HEATR6: variants seen among roughly 807,000 people sequenced by gnomAD.
HEATR6 encodes the protein HEAT repeat containing 6.
HEATR6 carries 106 observed loss-of-function variants against 132.8 expected under a neutral mutation model. The ratio of observed to expected loss-of-function variants is 0.80; its 90% CI spans 0.68 to 0.94. HEATR6 has a LOEUF of 0.94. HEATR6 is among the 40% of genes least tolerant of loss of function. HEATR6 has a pLI of 0.00. For missense variants in HEATR6, 1,339 were observed against 1,425.1 expected (o/e 0.94, Z 0.97); for synonymous variants, 529 against 537.8 (o/e 0.98, Z 0.23).
At chr17:60,064,438 TG>T (rs2083228949) in intron 9 of HEATR6, 1 of 152,296 alleles carries the variant, frequency 6.6e-6, no homozygotes, top group Non-Finnish European at 1.5e-5. Flanking sequence ...CTCCAAGCTC[TG>T]TTGTAAACAA....
chr17:60,043,158 A>G lies in HEATR6; in HGVS notation c.*405T>C. 4.1e-6 allele frequency: 1 copy of G among 245,250 alleles called. No individual in the cohort carries two copies. The highest frequency in any genetic ancestry group is 4.8e-5 in the South Asian group (1 of 20,660). The allele number at this position is 245,250 out of a possible 1,614,324, so 15.2% of individuals were successfully genotyped here. A position where few individuals can be genotyped will look rare whatever the true frequency, so the allele number is the denominator to read the frequency against. Reference sequence around the variant, plus strand: ...CAGCTCTGCTTGCAGCTTGCTAGAAATACAACTTGGTAACAACAGGAGATT... The same window carrying G: ...CAGCTCTGCTTGCAGCTTGCTAGAAGTACAACTTGGTAACAACAGGAGATT... On this transcript the variant is annotated 3_prime_UTR_variant, in exon 20 of 20. Coordinates refer to ENST00000184956, the MANE Select transcript of HEATR6 (RefSeq NM_022070.5).
intron 18 of HEATR6, among the ~76,000 whole-genome samples, chr17:60,047,081 T>G (rs1906391088): frequency 6.6e-6 from 1 of 152,144 alleles, no homozygotes; most frequent in Non-Finnish European, 1.5e-5. Context: ...ATATGTCATG[T>G]AGTATTACAA....
chr17:60,048,518 CTCAA>C, intron 16 of HEATR6, 130 bp from the exon 17 acceptor site: 1 of 884,672 alleles, frequency 1.1e-6, no homozygotes, highest in African/African-American at 1.7e-5. Context: ...AATTCATCTA[CTCAA>C]TCAATTTACT....
At chr17:60,071,784 G>A (rs2083270813) in intron 5 of HEATR6, among the ~76,000 whole-genome samples, 1 of 152,198 alleles carries the variant, frequency 6.6e-6, no homozygotes. Flanking sequence ...CCGAGCAGGA[G>A]ACTAGAAGGA....
rs1421525375 is a variant in HEATR6 at position 60,067,656 on chromosome 17, T to C, written c.1016A>G (p.Glu339Gly). 2 of 1,613,250 alleles carry C rather than the reference T, an allele frequency of 1.2e-6. No individual in the cohort carries two copies. The highest frequency in any genetic ancestry group is 1.7e-4 in the Middle Eastern group (1 of 6,050). Residue 339 changes from glutamate (E) to glycine (G), a missense_variant, in exon 8 of 20, where the codon GAA becomes GGA. Transcript: ENST00000184956. ...GEEEEKESSG[E>G]IEAAPVTGTG... ...GCCAGTGACTGGGGCTGCCTCTATTTCACCACTGGATTCCTTTTCCTCCTC... is the reference window on the plus strand; with the variant it reads ...GCCAGTGACTGGGGCTGCCTCTATTCCACCACTGGATTCCTTTTCCTCCTC...
Position 60,057,404 on chromosome 17 carries a change from C to A in HEATR6, c.1724-1G>T. The A allele has an allele frequency of 6.4e-7, 1 of 1,572,890 alleles. No individual in the cohort carries two copies. Among genetic ancestry groups the A allele is most frequent in the Admixed American group, 1.7e-5 (1 of 57,184 alleles). ...AGACTTGACACACGAACATTAACAT[C>A]TGTCAAAGGAAGCAGTAAGAACTTA... On this transcript the variant is annotated splice_acceptor_variant, in intron 11 of 19. Coordinates refer to ENST00000184956, the MANE Select transcript of HEATR6 (RefSeq NM_022070.5). LOFTEE classifies it high-confidence loss of function.
chr17:60,054,641 T>C (rs999565705), intron 14 of HEATR6, among the ~76,000 whole-genome samples: 10 of 152,242 alleles, frequency 6.6e-5, no homozygotes, highest in Non-Finnish European at 1.5e-4. Flanking sequence ...GTTGCCCCTT[T>C]CTTTTGGCTG....
At chr17:60,045,266 G>A (rs8067909) in intron 19 of HEATR6, among the ~76,000 whole-genome samples, 14,494 of 152,218 alleles carry the variant, frequency 0.095, 898 homozygotes, top group African/African-American at 0.17. Context: ...CTGCCTGGAC[G>A]CTCTGGGCAA....
rs766383537 is a variant in HEATR6 at position 60,078,896 on chromosome 17, C to G, written c.19G>C (p.Val7Leu). 3.9e-6 allele frequency: 6 copies of G among 1,542,606 alleles called. No homozygotes were observed. The African/African-American group carries it at 9.1e-5, about 23-fold the overall frequency. Residue 7 changes from valine (V) to leucine (L), a missense_variant, in exon 1 of 20, where the codon GTC becomes CTC. Physicochemically the swap from Val to Leu is conservative, Grantham distance 32. Coordinates refer to ENST00000184956, the MANE Select transcript of HEATR6 (RefSeq NM_022070.5). MAAVQV[V>L]GSWPSVQPRE... ...GGCTGCACGGAAGGCCACGAACCGA[C>G]AACTTGCACAGCAGCCATCTTTTCT... is the stretch of plus-strand genomic sequence containing the variant.
At chr17:60,065,650 TA>T (rs1252355643) in intron 9 of HEATR6, among the ~76,000 whole-genome samples, 1 of 152,256 alleles carries the variant, frequency 6.6e-6, no homozygotes, top group Non-Finnish European at 1.5e-5. Context: ...TTCTTCTTTT[TA>T]AAAATAAGTT....
chr17:60,056,468 T>G (rs1906747248), intron 12 of HEATR6, among the ~76,000 whole-genome samples: 1 of 152,200 alleles, frequency 6.6e-6, no homozygotes, highest in South Asian at 2.1e-4. Flanking sequence ...CATTTAAGTC[T>G]TGGAACTATT....
chr17:60,048,319 G>C lies in HEATR6; in HGVS notation c.2617C>G (p.Arg873Gly), dbSNP rs767503745. The C allele has an allele frequency of 5.6e-6, 9 of 1,613,558 alleles. No homozygotes were observed. The highest frequency in any genetic ancestry group is 1.7e-5 in the Admixed American group (1 of 59,998). Reference protein sequence around the residue: ...MSLEDKSLNVRAKAAWSLGNL... With the variant: ...MSLEDKSLNVGAKAAWSLGNL... ...CCCAGGGACCAGGCTGCTTTGGCTC[G>C]AACATTCAGAGACTTGTCTTCAAGT... The change falls in exon 17 of 20, where the codon CGA becomes GGA. Residue 873 changes from arginine to glycine, a missense_variant. Physicochemically the swap from Arg to Gly is moderately radical, Grantham distance 125 (BLOSUM62 -2). Transcript: ENST00000184956.
chr17:60,066,531 T>A (rs749832218), intron 8 of HEATR6, 145 bp from the exon 9 acceptor site: 19 of 648,278 alleles, frequency 2.9e-5, no homozygotes, highest in Non-Finnish European at 4.8e-5. Flanking sequence ...AAGATGTCAA[T>A]GTGTTATTAA....
Position 60,057,206 on chromosome 17 carries a change from C to G in HEATR6, c.1921G>C (p.Val641Leu). 6.2e-7 allele frequency: 1 copy of G among 1,614,198 alleles called. No individual in the cohort carries two copies. Among genetic ancestry groups the G allele is most frequent in the Non-Finnish European group, 8.5e-7 (1 of 1,180,042 alleles). Residue 641 changes from valine (V) to leucine (L), a missense_variant, in exon 12 of 20, where the codon GTT (valine) becomes CTT (leucine). By Grantham distance (32) the Val-to-Leu change is conservative (BLOSUM62 1). Transcript: ENST00000184956. ...TCTGAAGACCCCTTAGGTGAGCTAA[C>G]TGACGTTTCTTCCAGAGAGGGTCCT... Reference protein sequence around the residue: ...PAGPSLEETSVSSPKGSSEPC... With the variant: ...PAGPSLEETSLSSPKGSSEPC...
At chr17:60,069,265 C>T (rs1250430729) in intron 7 of HEATR6, among the ~76,000 whole-genome samples, 1 of 152,248 alleles carries the variant, frequency 6.6e-6, no homozygotes, top group Non-Finnish European at 1.5e-5. Context: ...GCCCAGCACA[C>T]AGCCTGCTTC....
chr17:60,072,791 CT>C (rs1212950229), intron 4 of HEATR6, among the ~76,000 whole-genome samples: 1 of 152,156 alleles, frequency 6.6e-6, no homozygotes, highest in Admixed American at 6.5e-5. Context: ...CTGTTTCCAT[CT>C]TCTTCAAAGA....
chr17:60,072,126 T>G, intron 5 of HEATR6, 89 bp downstream of exon 5: 1 of 514,042 alleles, frequency 1.9e-6, no homozygotes, highest in Non-Finnish European at 3.4e-6. Flanking sequence ...ACGAAGCTAA[T>G]GGTGCAAATT....
rs752644608 is a variant in HEATR6, at chr17:60,060,013, G to T, written c.1500C>A (p.Asp500Glu). Residue 500 changes from aspartate (D) to glutamate (E), a missense_variant, in exon 10 of 20, where the codon GAC becomes GAA. Transcript: ENST00000184956. Reference sequence around the variant, plus strand: ...AGAAGGGGGTAAAAGCCCTTCTGTGGTCACTGGTATCTTCAGCAACAGAAA... The same window carrying T: ...AGAAGGGGGTAAAAGCCCTTCTGTGTTCACTGGTATCTTCAGCAACAGAAA... ...QFLSVAEDTSDHRRAFTPFSV... is the reference protein window; with the variant it reads ...QFLSVAEDTSEHRRAFTPFSV... 2.5e-6 allele frequency: 4 copies of T among 1,613,934 alleles called. No individual in the cohort carries two copies. In the South Asian group the frequency reaches 4.4e-5, roughly 18 times the overall value.
At position 60,044,138 on chromosome 17, in the gene HEATR6, G is replaced by C; in HGVS notation, c.2975-4C>G. 1 of 1,597,112 alleles carries C rather than the reference G, an allele frequency of 6.3e-7. No homozygotes were observed. The highest frequency in any genetic ancestry group is 1.1e-5 in the South Asian group (1 of 87,958). On this transcript the variant is annotated splice_polypyrimidine_tract_variant and splice_region_variant and intron_variant, in intron 19 of 19. Coordinates refer to ENST00000184956, the MANE Select transcript of HEATR6 (RefSeq NM_022070.5). The stretch of plus-strand genomic sequence containing the variant: ...TGGGAGGTCCATGGGGCTGTCCCTA[G>C]AAAGAATCCACAGTCACTAAAACAA...
Sources: gnomAD v4.1 joint callset for allele counts (sites outside exome capture counted in the v4.1 genomes callset) on GRCh38, gnomAD v4.1.1 for gene constraint, MANE v1.5 for transcripts, NCBI Gene and HGNC (gene_info 2026-07-23, HGNC 2026-07-21) for gene names.